The following FGF14 variants were observed in gnomAD, a reference collection of about 807,000 sequenced individuals.
The protein encoded by FGF14 is fibroblast growth factor homologous factor 4.
In FGF14, 5 loss-of-function variants were observed where a neutral mutation model predicts 25.5. That is an observed-to-expected ratio of 0.20 (90% confidence interval 0.10 to 0.41). The LOEUF (loss-of-function observed/expected upper bound fraction) is 0.41, where lower values mean the gene tolerates loss of function less well. Among genes scored for constraint, FGF14 ranks in the 10% least tolerant of loss-of-function variants. The pLI, the probability that FGF14 is intolerant of heterozygous loss-of-function variation, is 1.00. For missense variants in FGF14, 222 were observed against 320.1 expected (o/e 0.69, Z 2.34); for synonymous variants, 138 against 118.3 (o/e 1.17, Z -1.08).
At chr13:101,801,717 T>C (rs149364960) in intron 3 of FGF14, among the ~76,000 whole-genome samples, 147 of 152,112 alleles carry the variant, frequency 9.7e-4, no homozygotes, top group African/African-American at 3.5e-3. Flanking sequence ...CAGAGTTCAG[T>C]GTTGATGGTG....
At chr13:102,278,465 A>G (rs1426174498) in intron 1 of FGF14, among the ~76,000 whole-genome samples, 1 of 152,174 alleles carries the variant, frequency 6.6e-6, no homozygotes, top group Non-Finnish European at 1.5e-5. Flanking sequence ...GCATTTCACC[A>G]TCTGATGAGG....
chr13:102,096,667 T>C (rs1204594950), intron 1 of FGF14, among the ~76,000 whole-genome samples: 3 of 152,142 alleles, frequency 2.0e-5, no homozygotes, highest in African/African-American at 7.2e-5. Context: ...GCACGTGCAG[T>C]TTCCAACTGT....
chr13:101,880,962 C>T (rs1019090917), intron 1 of FGF14, among the ~76,000 whole-genome samples: 5 of 152,020 alleles, frequency 3.3e-5, no homozygotes, highest in East Asian at 1.9e-4. Flanking sequence ...GGTTTTGAAA[C>T]GGAAACACAA....
At chr13:101,833,614 C>T (rs1310850479) in intron 3 of FGF14, among the ~76,000 whole-genome samples, 1 of 151,978 alleles carries the variant, frequency 6.6e-6, no homozygotes, top group East Asian at 1.9e-4. Flanking sequence ...TGTGTATATA[C>T]ATATATACAG....
At chr13:102,377,710 A>T (rs895553969) in intron 1 of FGF14, among the ~76,000 whole-genome samples, 6 of 152,174 alleles carry the variant, frequency 3.9e-5, no homozygotes, top group Non-Finnish European at 8.8e-5. Flanking sequence ...CAGGAGGCTG[A>T]GGCAGGAGAA....
chr13:101,756,450 T>A (rs543185494), intron 3 of FGF14, among the ~76,000 whole-genome samples: 124 of 152,242 alleles, frequency 8.1e-4, no homozygotes, highest in African/African-American at 2.9e-3. Context: ...AAAATAGTCT[T>A]AAAGCCAGGC....
chr13:102,015,187 C>T (rs937580705), intron 1 of FGF14, among the ~76,000 whole-genome samples: 4 of 152,162 alleles, frequency 2.6e-5, no homozygotes, highest in Non-Finnish European at 2.9e-5. Context: ...AGATTACAGG[C>T]GTGAGCCACC....
chr13:102,123,245 C>G (rs2045809617), intron 1 of FGF14, among the ~76,000 whole-genome samples: 1 of 152,020 alleles, frequency 6.6e-6, no homozygotes, highest in Non-Finnish European at 1.5e-5. Context: ...TCATATGCAG[C>G]CAACAATGTT....
intron 1 of FGF14, among the ~76,000 whole-genome samples, chr13:102,202,750 G>C (rs2049720448): frequency 6.6e-6 from 1 of 152,214 alleles, no homozygotes; most frequent in Admixed American, 6.5e-5. Flanking sequence ...CATTTGCAGA[G>C]AAGTGCTATC....
At chr13:102,275,262 TTC>T (rs56028235) in intron 1 of FGF14, among the ~76,000 whole-genome samples, 67 of 68,776 alleles carry the variant, frequency 9.7e-4, no homozygotes, top group South Asian at 2.7e-3. Context: ...CTCTCTCTCT[TTC>T]TCTCTCTCTC....
intron 3 of FGF14, among the ~76,000 whole-genome samples, chr13:101,758,038 A>C (rs957084726): frequency 6.6e-6 from 1 of 152,304 alleles, no homozygotes; most frequent in Non-Finnish European, 1.5e-5. Flanking sequence ...GACTGCTTAT[A>C]TTGTAGGCAA....
At chr13:102,022,308 A>C (rs1432470551) in intron 1 of FGF14, among the ~76,000 whole-genome samples, 3 of 152,100 alleles carry the variant, frequency 2.0e-5, no homozygotes, top group African/African-American at 7.2e-5. Context: ...AATGAAAATG[A>C]GAGGAGAGGG....
At chr13:101,995,877 G>C (rs1052999486) in intron 1 of FGF14, among the ~76,000 whole-genome samples, 1 of 152,090 alleles carries the variant, frequency 6.6e-6, no homozygotes, top group East Asian at 1.9e-4. Context: ...GTGGGGGGCT[G>C]GGAGTTAGGA....
intron 1 of FGF14, among the ~76,000 whole-genome samples, chr13:102,163,501 T>C (rs555196071): frequency 2.6e-5 from 4 of 152,124 alleles, no homozygotes; most frequent in Non-Finnish European, 4.4e-5. Flanking sequence ...TGTAAACCCA[T>C]GAATACGATG....
intron 1 of FGF14, among the ~76,000 whole-genome samples, chr13:102,243,735 TTAAAA>T (rs926904579): frequency 6.6e-5 from 10 of 151,600 alleles, no homozygotes; most frequent in Non-Finnish European, 1.2e-4. Flanking sequence ...CCACATGATG[TTAAAA>T]TAAGTGTTTA....
chr13:101,825,497 A>T (rs76338767), intron 3 of FGF14, among the ~76,000 whole-genome samples: 1 of 152,184 alleles, frequency 6.6e-6, no homozygotes, highest in Non-Finnish European at 1.5e-5. Flanking sequence ...CTACATTTTC[A>T]ATCTTTGCCG....
intron 1 of FGF14, among the ~76,000 whole-genome samples, chr13:102,260,018 T>C (rs2052641703): frequency 6.6e-6 from 1 of 152,164 alleles, no homozygotes; most frequent in Non-Finnish European, 1.5e-5. Context: ...TACATGTTGG[T>C]TAAGGGTGAG....
At chr13:102,154,602 C>T (rs970346602) in intron 1 of FGF14, among the ~76,000 whole-genome samples, 14 of 152,266 alleles carry the variant, frequency 9.2e-5, no homozygotes, top group Admixed American at 8.5e-4. Context: ...GAAGAAACTG[C>T]ATCAACTAAC....
At chr13:102,355,392 C>T (rs572750804) in intron 1 of FGF14, among the ~76,000 whole-genome samples, 2 of 152,036 alleles carry the variant, frequency 1.3e-5, no homozygotes, top group Non-Finnish European at 2.9e-5. Flanking sequence ...TGACACATTC[C>T]GAAGAATGAG....
Sources: gnomAD v4.1 joint callset for allele counts (sites outside exome capture counted in the v4.1 genomes callset) on GRCh38, gnomAD v4.1.1 for gene constraint, MANE v1.5 for transcripts, NCBI Gene and HGNC (gene_info 2026-07-23, HGNC 2026-07-21) for gene names.